FMO1: variants seen among roughly 807,000 people sequenced by gnomAD.
FMO1 encodes the protein flavin containing dimethylaniline monoxygenase 1.
In FMO1, 36 loss-of-function variants were observed where a neutral mutation model predicts 45.4. The ratio of observed to expected loss-of-function variants is 0.79; its 90% CI spans 0.61 to 1.05. The LOEUF (loss-of-function observed/expected upper bound fraction) is 1.05, where lower values mean the gene tolerates loss of function less well. Among genes scored for constraint, FMO1 ranks in the 50% least tolerant of loss-of-function variants. The pLI is 0.00. For synonymous variants in FMO1, 228 were observed against 227.2 expected (o/e 1.00, Z -0.03); for missense variants, 615 against 640.3 (o/e 0.96, Z 0.43).
At chr1:171,278,215 T>C (rs927930070) in intron 4 of FMO1, among the ~76,000 whole-genome samples, 3 of 152,168 alleles carry the variant, frequency 2.0e-5, no homozygotes, top group African/African-American at 7.2e-5. Context: ...CCAACTAACA[T>C]GAAACTTTGT....
intron 5 of FMO1, among the ~76,000 whole-genome samples, chr1:171,279,640 A>G (rs1661272879): frequency 6.6e-6 from 1 of 152,056 alleles, no homozygotes; most frequent in Admixed American, 6.5e-5. Context: ...GGTCACTGCC[A>G]CCCACAACAA....
intron 3 of FMO1, chr1:171,271,201 C>T (rs1660849019): frequency 2.3e-6 from 2 of 871,790 alleles, no homozygotes; most frequent in Non-Finnish European, 3.9e-6. Flanking sequence ...CCACATCTCT[C>T]CCAGTTTCTT....
chr1:171,272,866 CTTT>C (rs1660925284), intron 3 of FMO1, among the ~76,000 whole-genome samples: 1 of 152,132 alleles, frequency 6.6e-6, no homozygotes, highest in South Asian at 2.1e-4. Context: ...GGACTGTGGA[CTTT>C]TGAGTTAATG....
rs535308930 is a variant in FMO1 at position 171,260,289 on chromosome 1, TG to T, written c.132+2071del. ...GGTTGTCGCGTTTGTTTTGTTTGCA[TG>T]ATAGGAAGACCCAAAGATTTTTGTA... On this transcript the variant is annotated intron_variant, in intron 2 of 8. Transcript: ENST00000617670. Among the ~76,000 whole-genome samples the T allele has an allele frequency of 3.4e-3, 517 of 152,290 alleles. 2 individuals are homozygous for T. The highest frequency in any genetic ancestry group is 5.8e-3 in the Non-Finnish European group (396 of 68,030).
At chr1:171,279,519 AG>A (rs1465829993) in intron 5 of FMO1, among the ~76,000 whole-genome samples, 9 of 152,106 alleles carry the variant, frequency 5.9e-5, no homozygotes, top group Non-Finnish European at 1.0e-4. Flanking sequence ...CTCAAACCCA[AG>A]TCTCTTTGAC....
chr1:171,268,522 A>G (rs1165838294), intron 3 of FMO1, among the ~76,000 whole-genome samples: 1 of 152,232 alleles, frequency 6.6e-6, no homozygotes, highest in Admixed American at 6.5e-5. Flanking sequence ...GTTATTCTAC[A>G]ATGCCCCCTT....
intron 1 of FMO1, among the ~76,000 whole-genome samples, chr1:171,249,693 G>A (rs1046025531): frequency 5.3e-5 from 8 of 152,076 alleles, no homozygotes; most frequent in African/African-American, 1.9e-4. Context: ...AGGAGTGTGT[G>A]TGTGTGTGTA....
chr1:171,260,659 G>C (rs572068758), intron 2 of FMO1, among the ~76,000 whole-genome samples: 7 of 152,098 alleles, frequency 4.6e-5, no homozygotes, highest in South Asian at 2.1e-4. Flanking sequence ...AGCCAGGCAC[G>C]GTGGCTCACG....
chr1:171,253,863 A>C (rs1660019041), intron 1 of FMO1: 1 of 152,208 alleles, frequency 6.6e-6, no homozygotes, highest in Non-Finnish European at 1.5e-5. Flanking sequence ...CCCAGGTAGA[A>C]GGCTTCTGTA....
At chr1:171,270,783 T>G (rs1218271591) in intron 3 of FMO1, 1 of 862,770 alleles carries the variant, frequency 1.2e-6, no homozygotes, top group Non-Finnish European at 1.6e-6. Flanking sequence ...GAGAGGGCTA[T>G]CTAAAGACAC....
chr1:171,259,326 T>C (rs1300532332), intron 2 of FMO1, among the ~76,000 whole-genome samples: 1 of 152,194 alleles, frequency 6.6e-6, no homozygotes, highest in Non-Finnish European at 1.5e-5. Context: ...TCTTAAAGTG[T>C]ACCCACCAAA....
At chr1:171,250,157 A>G (rs1659820515) in intron 1 of FMO1, among the ~76,000 whole-genome samples, 1 of 152,354 alleles carries the variant, frequency 6.6e-6, no homozygotes, top group Middle Eastern at 3.4e-3. Flanking sequence ...CTTAATCCCA[A>G]TTACTTAATA....
At position 171,285,564 on chromosome 1, in the gene FMO1, G is replaced by A. The variant is rs1661596453; in HGVS notation, c.*20G>A. The A allele has an allele frequency of 7.3e-7, 1 of 1,360,546 alleles. No individual in the cohort carries two copies. The highest frequency in any genetic ancestry group is 1.0e-6 in the Non-Finnish European group (1 of 995,740). 84.3% of individuals were successfully genotyped at this position (1,360,546 alleles called of 1,614,324 possible). ...CTATAAGTAAAAGATCTCCTAAATG[G>A]AAGATGCACAGAGTAGATTTACAAT... On this transcript the variant is annotated 3_prime_UTR_variant, in exon 9 of 9. Transcript: ENST00000617670.
intron 1 of FMO1, chr1:171,251,730 T>G (rs1336400093): frequency 6.6e-6 from 1 of 150,856 alleles, no homozygotes; most frequent in Non-Finnish European, 1.5e-5. Flanking sequence ...CCCAGGTGCT[T>G]ACAGGCTCCC....
At chr1:171,249,056 T>G (rs1024787848) in intron 1 of FMO1, among the ~76,000 whole-genome samples, 7 of 151,858 alleles carry the variant, frequency 4.6e-5, no homozygotes, top group African/African-American at 1.7e-4. Flanking sequence ...TGTTGGCATT[T>G]GGCACAAGTG....
At position 171,282,201 on chromosome 1, in the gene FMO1, T is replaced by A. The variant is rs1558019350; in HGVS notation, c.1051T>A (p.Ser351Thr). Residue 351 changes from serine (S) to threonine (T), a missense_variant, in exon 7 of 9, where the codon TCA (serine) becomes ACA (threonine). Transcript: ENST00000617670. ...AGTGAAAGTTGAAGATGGCCAGGCC[T>A]CACTGTACAAGTATATCTTCCCTGC... ...SVVKVEDGQA[S>T]LYKYIFPAHL... 1 of 1,614,028 alleles carries A rather than the reference T, an allele frequency of 6.2e-7. No homozygotes were observed. The highest frequency in any genetic ancestry group is 1.3e-5 in the African/African-American group (1 of 75,030).
chr1:171,278,672 T>C, intron 4 of FMO1, 57 bp from the exon 5 acceptor site: 1 of 1,286,110 alleles, frequency 7.8e-7, no homozygotes, highest in South Asian at 1.6e-5. Flanking sequence ...AGAATATTTA[T>C]GTTTCATTCA....
intron 2 of FMO1, among the ~76,000 whole-genome samples, chr1:171,258,948 G>A (rs2101801042): frequency 6.6e-6 from 1 of 152,296 alleles, no homozygotes; most frequent in East Asian, 1.9e-4. Flanking sequence ...TTGAAACCCT[G>A]AAGCCAGGCA....
At chr1:171,256,641 A>T (rs1195349565) in intron 1 of FMO1, among the ~76,000 whole-genome samples, 1 of 152,184 alleles carries the variant, frequency 6.6e-6, no homozygotes, top group Non-Finnish European at 1.5e-5. Context: ...GCTTGAAAAA[A>T]GAGGACCTTT....
Sources: gnomAD v4.1 joint callset for allele counts (sites outside exome capture counted in the v4.1 genomes callset) on GRCh38, gnomAD v4.1.1 for gene constraint, MANE v1.5 for transcripts, NCBI Gene and HGNC (gene_info 2026-07-23, HGNC 2026-07-21) for gene names.